The following KCNK16 variants were observed in gnomAD, a reference collection of about 807,000 sequenced individuals.
KCNK16 encodes the protein potassium channel subfamily K member 16.
In KCNK16, 23 loss-of-function variants were observed where a neutral mutation model predicts 23.0. The ratio of observed to expected loss-of-function variants is 1.00; its 90% CI spans 0.72 to 1.41. The LOEUF (loss-of-function observed/expected upper bound fraction) is 1.41. KCNK16 is among the 40% of genes most tolerant of loss of function. KCNK16 has a pLI of 0.00. For synonymous variants in KCNK16, 145 were observed against 153.5 expected, an observed-to-expected ratio of 0.94 and a Z score of 0.41; for missense variants, 327 against 365.8, an observed-to-expected ratio of 0.89 and a Z score of 0.87.
Position 39,316,813 on chromosome 6 carries a change from G to A in KCNK16, c.630C>T (p.Leu210=). ...SEGFYFAFIT[L]STIGFGDYVV... is the part of the protein sequence containing the mutation. ...CATAGTCCCCAAAGCCAATGGTGCTGAGAGTGATGAAAGCAAAGTAGAAGC... is the reference window on the plus strand; with the variant it reads ...CATAGTCCCCAAAGCCAATGGTGCTAAGAGTGATGAAAGCAAAGTAGAAGC... The change falls in exon 4 of 5, where the codon CTC becomes CTT. Residue 210 remains leucine (L), a synonymous_variant. Coordinates refer to ENST00000437525, the MANE Select transcript of KCNK16 (RefSeq NM_001135106.2). 6.2e-7 allele frequency: 1 copy of A among 1,614,180 alleles called. No homozygotes were observed.
At position 39,322,505 on chromosome 6, in the gene KCNK16, G is replaced by A; in HGVS notation, c.36C>T (p.Gly12=). 1 of 1,610,372 alleles carries A rather than the reference G, an allele frequency of 6.2e-7. No individual in the cohort carries two copies. Among genetic ancestry groups the A allele is most frequent in the Non-Finnish European group, 8.5e-7 (1 of 1,179,190 alleles). ...PSAGLCSCWG[G]RVLPLLLAYV... ...AGGCCAGCAGCAGGGGCAGCACCCGGCCACCCCAGCAGCTGCAGAGCCCAG... is the reference window on the plus strand; with the variant it reads ...AGGCCAGCAGCAGGGGCAGCACCCGACCACCCCAGCAGCTGCAGAGCCCAG... Residue 12 remains glycine, a synonymous_variant, in exon 1 of 5, where the codon GGC becomes GGT. Transcript: ENST00000437525.
chr6:39,319,094 C>A lies in KCNK16; in HGVS notation c.253G>T (p.Gly85Cys). ...EAWVKGVNPK[G>C]NSTNPSNWDF... The stretch of plus-strand genomic sequence containing the variant: ...CAGTTGCTGGGGTTGGTAGAGTTGC[C>A]TTTGGGGTTCACACCTTTCACCCAG... The change falls in exon 2 of 5, where the codon GGC (glycine) becomes TGC (cysteine). Residue 85 changes from glycine to cysteine, a missense_variant. Coordinates refer to ENST00000437525, the MANE Select transcript of KCNK16 (RefSeq NM_001135106.2). The surrounding 1 kb of genome is among the most constrained non-coding windows in gnomAD (Gnocchi z 4.2). 6.2e-7 allele frequency: 1 copy of A among 1,614,076 alleles called. No individual in the cohort carries two copies. Among genetic ancestry groups the A allele is most frequent in the Non-Finnish European group, 8.5e-7 (1 of 1,180,002 alleles).
Position 39,319,732 on chromosome 6 carries a change from A to G in KCNK16, c.214-599T>C, listed in dbSNP as rs1291317277. Among the ~76,000 whole-genome samples, 2 of 146,132 alleles carry G rather than the reference A, an allele frequency of 1.4e-5. No individual in the cohort carries two copies. The highest frequency in any genetic ancestry group is 5.2e-5 in the African/African-American group (2 of 38,772). On this transcript the variant is annotated intron_variant, in intron 1 of 4. Transcript: ENST00000437525. The surrounding 1 kb of genome is among the most constrained non-coding windows in gnomAD (Gnocchi z 4.2). ...GAAATTCTAACAGAGGCCAAGACAA[A>G]GGTGGCACGTGTGAGTGTGTGTGTG...
chr6:39,317,968 G>T lies in KCNK16; in HGVS notation c.329-16C>A. The T allele has an allele frequency of 1.3e-6, 2 of 1,588,982 alleles. No individual in the cohort carries two copies. The highest frequency in any genetic ancestry group is 1.7e-6 in the Non-Finnish European group (2 of 1,165,292). On this transcript the variant is annotated splice_polypyrimidine_tract_variant and intron_variant, in intron 2 of 4. Coordinates refer to ENST00000437525, the MANE Select transcript of KCNK16 (RefSeq NM_001135106.2). ...TTCCCATATCCTGCAAGGGAAGGGG[G>T]GCGTGTGCAAATATGGAGACTCTAG...
rs994772010 is a variant in KCNK16, at chr6:39,316,529, G to A, written c.662-87C>T. The stretch of plus-strand genomic sequence containing the variant: ...CATAGGGACCCTCACCAGCCAGGAT[G>A]CTCTCTCCCTCTTCCTCATAACAAG... On this transcript the variant is annotated intron_variant, in intron 4 of 4. Coordinates refer to ENST00000437525, the MANE Select transcript of KCNK16 (RefSeq NM_001135106.2). The A allele has an allele frequency of 3.5e-6, 5 of 1,448,782 alleles. No homozygotes were observed. In the Admixed American group the frequency reaches 1.1e-4, roughly 32 times the overall value. The allele number at this position is 1,448,782 out of a possible 1,614,324, so 89.7% of individuals were successfully genotyped here. A position where few individuals can be genotyped will look rare whatever the true frequency, so the allele number is the denominator to read the frequency against.
chr6:39,322,513 A>G lies in KCNK16; in HGVS notation c.28T>C (p.Trp10Arg), dbSNP rs1183047464. 1.3e-5 allele frequency: 21 copies of G among 1,608,246 alleles called. No individual in the cohort carries two copies. The highest frequency in any genetic ancestry group is 1.8e-5 in the Non-Finnish European group (21 of 1,178,504). ...AGCAGGGGCAGCACCCGGCCACCCCAGCAGCTGCAGAGCCCAGCACTGGGC... is the reference window on the plus strand; with the variant it reads ...AGCAGGGGCAGCACCCGGCCACCCCGGCAGCTGCAGAGCCCAGCACTGGGC... MPSAGLCSC[W>R]GGRVLPLLLA... The change falls in exon 1 of 5, where the codon TGG becomes CGG. Residue 10 changes from tryptophan to arginine, a missense_variant. Physicochemically the swap from Trp to Arg is moderately radical, Grantham distance 101. Transcript: ENST00000437525.
chr6:39,315,326 T>C, downstream of KCNK16: 1 of 1,552,986 alleles, frequency 6.4e-7, no homozygotes, highest in African/African-American at 1.4e-5. Flanking sequence ...GCTCACTTTC[T>C]GGAAGGATCC....
chr6:39,322,760 C>G (rs533690482), upstream of KCNK16: 2 of 619,250 alleles, frequency 3.2e-6, no homozygotes, highest in African/African-American at 1.8e-5. Context: ...CGGCCACCCC[C>G]ACCCGGCCTT....
downstream of KCNK16, chr6:39,315,172 G>A (rs748134044): frequency 1.8e-5 from 29 of 1,614,120 alleles, no homozygotes; most frequent in African/African-American, 3.1e-4. Flanking sequence ...ACTTGCTGTT[G>A]GATGATGGGA....
intron 3 of KCNK16, among the ~76,000 whole-genome samples, chr6:39,317,542 G>C (rs1412672317): frequency 6.6e-6 from 1 of 152,170 alleles, no homozygotes; most frequent in Admixed American, 6.5e-5. Flanking sequence ...GGCTGGTTCC[G>C]CCCACTGTGG....
chr6:39,321,301 A>T (rs1762507747), intron 1 of KCNK16, among the ~76,000 whole-genome samples: 1 of 152,216 alleles, frequency 6.6e-6, no homozygotes, highest in Non-Finnish European at 1.5e-5. Flanking sequence ...TGTGTGGTGA[A>T]GACCCGGGGC....
rs776024197 is a variant in KCNK16, at chr6:39,322,315, C to T, written c.213+13G>A. On this transcript the variant is annotated intron_variant, in intron 1 of 4. Coordinates refer to ENST00000437525, the MANE Select transcript of KCNK16 (RefSeq NM_001135106.2). ...AAGCCTCTCCATCCCAATCCCACAT[C>T]GCTCCCCTTCACCTGCACAAACTGC... 85 of 1,606,364 alleles carry T rather than the reference C, an allele frequency of 5.3e-5. No homozygotes were observed. Among genetic ancestry groups the T allele is most frequent in the Non-Finnish European group, 5.9e-5 (69 of 1,173,852 alleles).
rs368604127 is a variant in KCNK16 at position 39,316,454 on chromosome 6, G to C, written c.662-12C>G. On this transcript the variant is annotated splice_polypyrimidine_tract_variant and intron_variant, in intron 4 of 4. Transcript: ENST00000437525. ...GCTGGGGTCTGTGCCTGCCAGGGAA[G>C]GGAATGGCATCAATGCCAGGGGTCT... is the stretch of plus-strand genomic sequence containing the variant. 2 of 1,589,624 alleles carry C rather than the reference G, an allele frequency of 1.3e-6. No homozygotes were observed. The highest frequency in any genetic ancestry group is 1.7e-6 in the Non-Finnish European group (2 of 1,163,858).
chr6:39,316,330 C>T lies in KCNK16; in HGVS notation c.774G>A (p.Leu258=), dbSNP rs1029900483. ...ALILPLGPLL[L]HRCCQLWLLS... ...GCAGCCAGAGCTGGCAGCATCTGTG[C>T]AGAAGCAGGGGGCCCAGTGGGAGGA... is the stretch of plus-strand genomic sequence containing the variant. Residue 258 remains leucine (L), a synonymous_variant, in exon 5 of 5, where the codon CTG becomes CTA. Transcript: ENST00000437525. 1.5e-5 allele frequency: 24 copies of T among 1,610,972 alleles called. No individual in the cohort carries two copies. In the Admixed American group the frequency reaches 2.9e-4, roughly 19 times the overall value.
In KCNK16 at chr6:39,316,361, G is replaced by A. The variant is rs766008362; in HGVS notation, c.743C>T (p.Ala248Val). Residue 248 changes from alanine (A) to valine (V), a missense_variant, in exon 5 of 5, where the codon GCG becomes GTG. Coordinates refer to ENST00000437525, the MANE Select transcript of KCNK16 (RefSeq NM_001135106.2). ...IWILLGLAWL[A>V]LILPLGPLLL... is the part of the protein sequence containing the mutation. Reference sequence around the variant, plus strand: ...CAGGGGGCCCAGTGGGAGGATCAGCGCCAGCCACGCCAGGCCCAGGAGGAT... The same window carrying A: ...CAGGGGGCCCAGTGGGAGGATCAGCACCAGCCACGCCAGGCCCAGGAGGAT... 1.1e-5 allele frequency: 18 copies of A among 1,611,978 alleles called. No individual in the cohort carries two copies. Among genetic ancestry groups the A allele is most frequent in the South Asian group, 3.3e-5 (3 of 90,534 alleles).
At position 39,319,424 on chromosome 6, in the gene KCNK16, G is replaced by C. The variant is rs1762435307; in HGVS notation, c.214-291C>G. ...CTGGGGCGGGAGATGGGCCTGAGGG[G>C]TGAGGTGGAGGATGCTCAGGGAGGG... On this transcript the variant is annotated intron_variant, in intron 1 of 4. Transcript: ENST00000437525. This position sits in a 1 kb window ranked among gnomAD's most constrained non-coding sequence, Gnocchi z 4.2. 6.6e-6 allele frequency among the ~76,000 whole-genome samples: 1 copy of C among 152,182 alleles called. No individual in the cohort carries two copies. The highest frequency in any genetic ancestry group is 1.5e-5 in the Non-Finnish European group (1 of 68,036).
chr6:39,315,699 C>T (rs967723145), downstream of KCNK16, among the ~76,000 whole-genome samples: 5 of 152,176 alleles, frequency 3.3e-5, no homozygotes, highest in African/African-American at 1.2e-4. Context: ...TGGGGCTATT[C>T]CCATCATAGC....
chr6:39,317,151 G>A lies in KCNK16; in HGVS notation c.496-204C>T, dbSNP rs532540740. Among the ~76,000 whole-genome samples, 7 of 152,320 alleles carry A rather than the reference G, an allele frequency of 4.6e-5. No individual in the cohort carries two copies. In the East Asian group the frequency reaches 1.2e-3, roughly 25 times the overall value. Reference sequence around the variant, plus strand: ...GGAAAGATTTCGGCAGAGGGATTGCGTTAGTGGGTCAAGAAGCGATTTGGA... The same window carrying A: ...GGAAAGATTTCGGCAGAGGGATTGCATTAGTGGGTCAAGAAGCGATTTGGA... On this transcript the variant is annotated intron_variant, in intron 3 of 4. Transcript: ENST00000437525.
At chr6:39,318,982 G>T in intron 2 of KCNK16, 37 bp downstream of exon 2, 1 of 1,409,082 alleles carries the variant, frequency 7.1e-7, no homozygotes, top group Non-Finnish European at 1.0e-6. Context: ...CTAAGACAGG[G>T]GCCTTGGGGA....
Sources: allele counts gnomAD v4.1 joint callset (sites outside exome capture counted in the v4.1 genomes callset), GRCh38; gene constraint gnomAD v4.1.1; non-coding constraint Gnocchi (gnomAD v3.1); transcripts MANE v1.5; gene names NCBI Gene and HGNC (gene_info 2026-07-23, HGNC 2026-07-21).